DNM3: variants seen among roughly 807,000 people sequenced by gnomAD.
The protein encoded by DNM3 is dynamin-3.
In DNM3, 47 loss-of-function variants were observed where a neutral mutation model predicts 101.6. The observed-to-expected ratio is 0.46, with a 90% CI of 0.37 to 0.59. The LOEUF (loss-of-function observed/expected upper bound fraction) is 0.59, where lower values mean the gene tolerates loss of function less well. DNM3 is among the 20% of genes least tolerant of loss of function. The pLI is 0.00. For synonymous variants in DNM3, 385 were observed against 387.9 expected (o/e 0.99, Z 0.09); for missense variants, 849 against 1,085.7 (o/e 0.78, Z 3.06).
At chr1:172,045,395 A>G (rs1267160069) in intron 9 of DNM3, among the ~76,000 whole-genome samples, 1 of 152,084 alleles carries the variant, frequency 6.6e-6, no homozygotes, top group Non-Finnish European at 1.5e-5. Flanking sequence ...TGGCCTGCAC[A>G]GTGCTGTCTT....
At chr1:171,977,231 A>G (rs1182053148) in intron 2 of DNM3, among the ~76,000 whole-genome samples, 1 of 152,190 alleles carries the variant, frequency 6.6e-6, no homozygotes, top group African/African-American at 2.4e-5. Context: ...TGATATCACA[A>G]AGTCTTTGAT....
chr1:172,303,308 A>G (rs2064569532), intron 15 of DNM3, among the ~76,000 whole-genome samples: 1 of 152,210 alleles, frequency 6.6e-6, no homozygotes. Context: ...TTAATGAAAT[A>G]AAGCGAGAAG....
At chr1:172,051,297 A>T (rs1410226310) in intron 10 of DNM3, among the ~76,000 whole-genome samples, 1 of 152,052 alleles carries the variant, frequency 6.6e-6, no homozygotes, top group Non-Finnish European at 1.5e-5. Flanking sequence ...TGTTCCTTAT[A>T]TTCACTGTCA....
intron 2 of DNM3, among the ~76,000 whole-genome samples, chr1:171,950,733 G>T (rs1051705419): frequency 6.6e-6 from 1 of 152,124 alleles, no homozygotes; most frequent in Non-Finnish European, 1.5e-5. Flanking sequence ...ACTTTTTGGG[G>T]TGATGAAAAT....
intron 2 of DNM3, among the ~76,000 whole-genome samples, chr1:171,958,621 G>A (rs536755537): frequency 6.6e-6 from 1 of 152,320 alleles, no homozygotes; most frequent in Non-Finnish European, 1.5e-5. Context: ...TTTACATGCT[G>A]AGTGGATTGC....
In DNM3 at chr1:171,873,485, A is replaced by G. The variant is rs113423303; in HGVS notation, c.161+31668A>G. ...GGGGAGATGGATAAGCAATACCCAA[A>G]GTAAATAAGTAAATTATGTGGCAGA... is the stretch of plus-strand genomic sequence containing the variant. On this transcript the variant is annotated intron_variant, in intron 1 of 20. Transcript: ENST00000627582. Among the ~76,000 whole-genome samples, 1,177 of 152,258 alleles carry G rather than the reference A, an allele frequency of 7.7e-3. 14 individuals are homozygous for G. The highest frequency in any genetic ancestry group is 0.027 in the African/African-American group (1,110 of 41,540).
chr1:172,310,617 G>T (rs1048511233), intron 16 of DNM3: 22 of 152,292 alleles, frequency 1.4e-4, no homozygotes, highest in African/African-American at 5.1e-4. Context: ...GGATCTGGAA[G>T]TCTGAAGAAG....
chr1:171,983,154 A>T (rs2044941156), intron 2 of DNM3, among the ~76,000 whole-genome samples: 1 of 151,326 alleles, frequency 6.6e-6, no homozygotes, highest in South Asian at 2.1e-4. Flanking sequence ...TTACAACAAA[A>T]CTCCTTAAAA....
rs1307826679 is a variant in DNM3, at chr1:171,935,681, A to C, written c.235+13860A>C. On this transcript the variant is annotated intron_variant, in intron 2 of 20. Coordinates refer to ENST00000627582, the MANE Select transcript of DNM3 (RefSeq NM_015569.5). ...ATTGTGTGCCTCTCTTTCCATGTCC[A>C]TATTCAGTGACATCATGATGGTAGC... Among the ~76,000 whole-genome samples, 4 of 149,764 alleles carry C rather than the reference A, an allele frequency of 2.7e-5. No homozygotes were observed. The South Asian group carries it at 8.4e-4, about 32-fold the overall frequency.
At chr1:172,232,294 C>T (rs1202461206) in intron 14 of DNM3, among the ~76,000 whole-genome samples, 2 of 152,046 alleles carry the variant, frequency 1.3e-5, no homozygotes, top group Admixed American at 1.3e-4. Flanking sequence ...ACAAAGAAGG[C>T]CATTACATAA....
At chr1:171,910,464 C>T (rs2039204525) in intron 1 of DNM3, among the ~76,000 whole-genome samples, 1 of 152,206 alleles carries the variant, frequency 6.6e-6, no homozygotes, top group African/African-American at 2.4e-5. Context: ...CAGGTACTAT[C>T]TGTGGTTTCA....
intron 14 of DNM3, among the ~76,000 whole-genome samples, chr1:172,143,638 T>A (rs912618643): frequency 2.0e-5 from 3 of 152,130 alleles, no homozygotes; most frequent in Non-Finnish European, 4.4e-5. Flanking sequence ...TTATTTTAAA[T>A]GCTCAGAGAA....
chr1:172,172,903 T>A (rs1449292699), intron 14 of DNM3, among the ~76,000 whole-genome samples: 1 of 151,850 alleles, frequency 6.6e-6, no homozygotes, highest in Non-Finnish European at 1.5e-5. Flanking sequence ...TTCCAGTTTT[T>A]CCAAACTTGG....
intron 4 of DNM3, among the ~76,000 whole-genome samples, chr1:172,010,422 G>C (rs1282000219): frequency 1.3e-5 from 2 of 150,996 alleles, no homozygotes. Flanking sequence ...GTCTAAAAAA[G>C]TTATTGCCTT....
chr1:172,337,900 TA>T (rs1476159604), intron 17 of DNM3, among the ~76,000 whole-genome samples: 8 of 139,138 alleles, frequency 5.7e-5, no homozygotes, highest in South Asian at 4.4e-4. Context: ...TATTTTATTT[TA>T]TTTTATTTTA....
intron 14 of DNM3, among the ~76,000 whole-genome samples, chr1:172,242,120 G>T (rs955300984): frequency 6.6e-6 from 1 of 152,230 alleles, no homozygotes; most frequent in South Asian, 2.1e-4. Flanking sequence ...AACTCATGGT[G>T]TACAGGGCAT....
intron 14 of DNM3, among the ~76,000 whole-genome samples, chr1:172,192,683 A>T (rs969947975): frequency 7.2e-5 from 11 of 151,732 alleles, no homozygotes; most frequent in African/African-American, 2.7e-4. Context: ...AATTTCATCC[A>T]TGTTCCTACA....
intron 14 of DNM3, among the ~76,000 whole-genome samples, chr1:172,248,219 T>C (rs2062033837): frequency 6.6e-6 from 1 of 152,210 alleles, no homozygotes; most frequent in South Asian, 2.1e-4. Context: ...AGCAAAATAC[T>C]GTAAGTTAAT....
At chr1:172,129,809 C>A (rs2056837238) in intron 13 of DNM3, among the ~76,000 whole-genome samples, 1 of 152,156 alleles carries the variant, frequency 6.6e-6, no homozygotes, top group African/African-American at 2.4e-5. Flanking sequence ...TAAACTATAT[C>A]ACTATACTAT....
Sources: allele counts gnomAD v4.1 joint callset (sites outside exome capture counted in the v4.1 genomes callset), GRCh38; gene constraint gnomAD v4.1.1; transcripts MANE v1.5; gene names NCBI Gene and HGNC (gene_info 2026-07-23, HGNC 2026-07-21).